STAT5B: variants seen among roughly 807,000 people sequenced by gnomAD.
STAT5B encodes signal transducer and activator of transcription 5B.
STAT5B carries 21 observed loss-of-function variants against 107.8 expected under a neutral mutation model. That is an observed-to-expected ratio of 0.19 (90% CI 0.14 to 0.28). The LOEUF (loss-of-function observed/expected upper bound fraction) is 0.28. Among genes scored for constraint, STAT5B ranks in the 10% least tolerant of loss-of-function variants. The probability of loss-of-function intolerance (pLI) is 1.00; values close to 1 mark genes in which losing one functional copy is unlikely to be tolerated. For synonymous variants in STAT5B, 325 were observed against 401.7 expected (o/e 0.81, Z 2.28); for missense variants, 565 against 1,008.2 (o/e 0.56, Z 5.95).
chr17:42,241,677 A>G (rs895121487), intron 1 of STAT5B, among the ~76,000 whole-genome samples: 2 of 152,040 alleles, frequency 1.3e-5, no homozygotes, highest in Non-Finnish European at 1.5e-5. Context: ...TCCTGACCTC[A>G]AGTGATCCAC....
chr17:42,250,791 G>T (rs978761647), intron 1 of STAT5B, among the ~76,000 whole-genome samples: 7 of 151,922 alleles, frequency 4.6e-5, no homozygotes, highest in African/African-American at 1.5e-4. Context: ...AGGCGTGGTG[G>T]CAGGCACCTG....
intron 1 of STAT5B, among the ~76,000 whole-genome samples, chr17:42,246,261 G>A (rs920132196): frequency 4.6e-5 from 7 of 152,076 alleles, no homozygotes; most frequent in Middle Eastern, 3.4e-3. Flanking sequence ...ATAATATCCA[G>A]GTTATGACAC....
upstream of STAT5B, among the ~76,000 whole-genome samples, chr17:42,278,250 T>C (rs2080780005): frequency 6.6e-6 from 1 of 152,228 alleles, no homozygotes; most frequent in East Asian, 1.9e-4. Flanking sequence ...CATGTTTTCA[T>C]GTTTCTGTCT....
At chr17:42,247,333 G>A (rs1203160529) in intron 1 of STAT5B, among the ~76,000 whole-genome samples, 2 of 152,152 alleles carry the variant, frequency 1.3e-5, no homozygotes, top group Non-Finnish European at 2.9e-5. Context: ...CCGTTTTCCA[G>A]GTAGCTGTGT....
intron 18 of STAT5B, chr17:42,202,129 G>A: frequency 1.5e-6 from 1 of 657,170 alleles, no homozygotes; most frequent in Non-Finnish European, 2.7e-6. Flanking sequence ...ATTGAGAGAG[G>A]GGAACAGATG....
At chr17:42,247,635 G>A (rs762378712) in intron 1 of STAT5B, among the ~76,000 whole-genome samples, 9 of 152,098 alleles carry the variant, frequency 5.9e-5, no homozygotes, top group African/African-American at 1.2e-4. Flanking sequence ...TGGATCCAAC[G>A]AGTAGCAGGT....
chr17:42,216,723 C>T (rs1302336446), intron 11 of STAT5B, among the ~76,000 whole-genome samples: 2 of 150,764 alleles, frequency 1.3e-5, no homozygotes, highest in African/African-American at 4.9e-5. Flanking sequence ...CAGGGTCTCA[C>T]TCTTTCACCC....
At chr17:42,216,466 T>C (rs2080173174) in intron 11 of STAT5B, among the ~76,000 whole-genome samples, 1 of 152,236 alleles carries the variant, frequency 6.6e-6, no homozygotes. Context: ...AAGTAATGTT[T>C]CTCATATCCA....
At chr17:42,237,098 C>T (rs2080362861) in intron 1 of STAT5B, among the ~76,000 whole-genome samples, 1 of 152,178 alleles carries the variant, frequency 6.6e-6, no homozygotes, top group Non-Finnish European at 1.5e-5. Flanking sequence ...ACTCTGTGTT[C>T]ACAGACATTT....
rs558783042 is a variant in STAT5B, at chr17:42,274,452, C to T, written c.-11+1796G>A. Among the ~76,000 whole-genome samples, 10 of 152,274 alleles carry T rather than the reference C, an allele frequency of 6.6e-5. No homozygotes were observed. In the South Asian group the frequency reaches 2.1e-3, roughly 32 times the overall value. Reference sequence around the variant, plus strand: ...TTTGAATTAAACGTAACAGATACCACAAATTGTCACATAGGAAGTTTTTCT... The same window carrying T: ...TTTGAATTAAACGTAACAGATACCATAAATTGTCACATAGGAAGTTTTTCT... On this transcript the variant is annotated intron_variant, in intron 1 of 18. Transcript: ENST00000293328.
upstream of STAT5B, among the ~76,000 whole-genome samples, chr17:42,281,140 A>C (rs144276106): frequency 8.5e-4 from 130 of 152,162 alleles, no homozygotes; most frequent in Non-Finnish European, 1.3e-3. Flanking sequence ...TCTCAAAAAA[A>C]AAAAACAAAA....
chr17:42,277,780 G>C (rs1403374998), upstream of STAT5B, among the ~76,000 whole-genome samples: 1 of 148,900 alleles, frequency 6.7e-6, no homozygotes, highest in East Asian at 2.0e-4. Context: ...TTTTGAGACG[G>C]AGTCTCTCTC....
At chr17:42,266,851 A>T (rs1457780094) in intron 1 of STAT5B, among the ~76,000 whole-genome samples, 3 of 152,172 alleles carry the variant, frequency 2.0e-5, no homozygotes, top group African/African-American at 7.2e-5. Context: ...ACATGAGGAG[A>T]AAGGCCAATC....
At chr17:42,281,899 G>A in the STAT5B span, among the ~76,000 whole-genome samples, 3 of 152,232 alleles carry the variant, frequency 2.0e-5, no homozygotes, top group South Asian at 2.1e-4. Context: ...GAGTGCCACT[G>A]CAGCCAGTAT....
chr17:42,253,484 A>G (rs2080516814), intron 1 of STAT5B, among the ~76,000 whole-genome samples: 1 of 152,236 alleles, frequency 6.6e-6, no homozygotes, highest in East Asian at 1.9e-4. Context: ...ACTTACATAA[A>G]TACTAGCAAT....
intron 1 of STAT5B, chr17:42,235,175 C>T (rs2144307252): frequency 6.6e-6 from 1 of 152,322 alleles, no homozygotes; most frequent in South Asian, 2.1e-4. Flanking sequence ...CACTCTCTAT[C>T]CTCTTAATCT....
At chr17:42,273,894 G>A (rs1371943323) in intron 1 of STAT5B, among the ~76,000 whole-genome samples, 1 of 152,188 alleles carries the variant, frequency 6.6e-6, no homozygotes, top group Admixed American at 6.5e-5. Context: ...GGCAACTTTA[G>A]TCTTGATGTG....
chr17:42,212,511 A>C (rs2080137839), intron 12 of STAT5B, among the ~76,000 whole-genome samples: 1 of 152,226 alleles, frequency 6.6e-6, no homozygotes, highest in African/African-American at 2.4e-5. Context: ...GATTGTAAAC[A>C]CCTTGGGAAT....
At chr17:42,262,016 T>C (rs1379744256) in intron 1 of STAT5B, among the ~76,000 whole-genome samples, 3 of 152,206 alleles carry the variant, frequency 2.0e-5, no homozygotes, top group Non-Finnish European at 4.4e-5. Context: ...AGATTTTTAC[T>C]TAATTAAATT....
Sources: gnomAD v4.1 joint callset for allele counts (sites outside exome capture counted in the v4.1 genomes callset) on GRCh38, gnomAD v4.1.1 for gene constraint, MANE v1.5 for transcripts, NCBI Gene and HGNC (gene_info 2026-07-23, HGNC 2026-07-21) for gene names.